RGS13: variants seen among roughly 807,000 people sequenced by gnomAD.
RGS13 encodes the protein regulator of G-protein signalling 13.
In RGS13, 14 loss-of-function variants were observed where a neutral mutation model predicts 19.9. That is an observed-to-expected ratio of 0.70 (90% CI 0.46 to 1.10). RGS13 has a LOEUF of 1.10. Ranked by LOEUF, RGS13 falls within the 50% of genes least tolerant of loss-of-function variation. The probability of loss-of-function intolerance (pLI) is 0.00; values close to 1 mark genes in which losing one functional copy is unlikely to be tolerated. For missense variants in RGS13, 205 were observed against 187.1 expected (o/e 1.10, Z -0.56); for synonymous variants, 60 against 56.8 (o/e 1.06, Z -0.25).
rs1663486443 is a variant in RGS13, at chr1:192,658,348, A to G, written c.275A>G (p.Gln92Arg). 6.2e-7 allele frequency: 1 copy of G among 1,612,992 alleles called. No homozygotes were observed. The highest frequency in any genetic ancestry group is 1.7e-5 in the Admixed American group (1 of 59,842). ...RAKKLYKIYI[Q>R]PQSPREINID... ...AAGAAGCTTTATAAGATTTACATCCAGCCACAGTCCCCTAGAGAGGTAACT... is the reference window on the plus strand; with the variant it reads ...AAGAAGCTTTATAAGATTTACATCCGGCCACAGTCCCCTAGAGAGGTAACT... The change falls in exon 6 of 7, where the codon CAG (glutamine) becomes CGG (arginine). Residue 92 changes from glutamine (Q) to arginine (R), a missense_variant. By Grantham distance (43) the Gln-to-Arg change is conservative. Transcript: ENST00000391995.
In RGS13 at chr1:192,657,342, C is replaced by T. The variant is rs2146608; in HGVS notation, c.128-859C>T. On this transcript the variant is annotated intron_variant, in intron 5 of 6. Coordinates refer to ENST00000391995, the MANE Select transcript of RGS13 (RefSeq NM_002927.5). The stretch of plus-strand genomic sequence containing the variant: ...ATCTTGAACCTTGAGAATACTTGGT[C>T]CTCCCAAAGATTCCAATTAATATGT... Among the ~76,000 whole-genome samples the T allele has an allele frequency of 8.0e-3, 1,214 of 152,166 alleles. 43 individuals are homozygous for T. The highest frequency in any genetic ancestry group is 0.063 in the Admixed American group (957 of 15,262).
chr1:192,653,370 A>G (rs978145871), intron 5 of RGS13, among the ~76,000 whole-genome samples: 2 of 152,112 alleles, frequency 1.3e-5, no homozygotes, highest in African/African-American at 4.8e-5. Flanking sequence ...TGACACTGCC[A>G]TTGGGAATGA....
intron 5 of RGS13, among the ~76,000 whole-genome samples, chr1:192,653,575 A>G (rs1663382043): frequency 6.6e-6 from 1 of 152,126 alleles, no homozygotes. Flanking sequence ...ACCTAAAACA[A>G]TAATAATAGA....
At chr1:192,657,663 G>T (rs1663466043) in intron 5 of RGS13, among the ~76,000 whole-genome samples, 1 of 152,048 alleles carries the variant, frequency 6.6e-6, no homozygotes, top group Non-Finnish European at 1.5e-5. Flanking sequence ...ATATGAAGTT[G>T]AATTCTTCAT....
chr1:192,638,481 G>A (rs1049372448), intron 3 of RGS13, among the ~76,000 whole-genome samples: 18 of 151,930 alleles, frequency 1.2e-4, no homozygotes, highest in Non-Finnish European at 2.1e-4. Flanking sequence ...GGGGTGGGGG[G>A]TTCTGTGATA....
At chr1:192,651,748 G>A (rs1663342295) in intron 5 of RGS13, among the ~76,000 whole-genome samples, 1 of 152,092 alleles carries the variant, frequency 6.6e-6, no homozygotes. Flanking sequence ...AGAGAAGACG[G>A]TGAATATCCG....
intron 5 of RGS13, among the ~76,000 whole-genome samples, chr1:192,651,799 C>T (rs527838394): frequency 4.6e-5 from 7 of 152,072 alleles, no homozygotes; most frequent in Admixed American, 4.6e-4. Context: ...GAGGCAAGGT[C>T]GCCAGTAGAT....
At chr1:192,658,159 T>C in intron 5 of RGS13, 42 bp from the exon 6 acceptor site, 1 of 1,507,518 alleles carries the variant, frequency 6.6e-7, no homozygotes, top group Non-Finnish European at 9.0e-7. Flanking sequence ...TTTTTGGTGA[T>C]TTTGACCCAT....
intron 5 of RGS13, among the ~76,000 whole-genome samples, chr1:192,650,251 A>T (rs1239014414): frequency 6.6e-6 from 1 of 152,140 alleles, no homozygotes; most frequent in Non-Finnish European, 1.5e-5. Flanking sequence ...ATAGGAAAAC[A>T]TCATACTGCT....
At chr1:192,636,456 C>T (rs1663020569) in intron 1 of RGS13, 139 bp downstream of exon 1, 1 of 151,960 alleles carries the variant, frequency 6.6e-6, no homozygotes, top group South Asian at 2.1e-4. Context: ...GACAAACTAA[C>T]AAACACATAT....
At chr1:192,637,353 AT>A (rs1194999813) in intron 1 of RGS13, among the ~76,000 whole-genome samples, 3 of 151,930 alleles carry the variant, frequency 2.0e-5, no homozygotes, top group African/African-American at 4.8e-5. Flanking sequence ...GTAATGGAAA[AT>A]TACAAATTAA....
Position 192,639,901 on chromosome 1 carries a change from G to A in RGS13, c.-5+1698G>A, listed in dbSNP as rs540937707. The stretch of plus-strand genomic sequence containing the variant: ...TATACTTCAGACCTTAGTGAGTGTT[G>A]CATACTAAGACCATTCTGCTTTTGC... On this transcript the variant is annotated intron_variant, in intron 3 of 6. Coordinates refer to ENST00000391995, the MANE Select transcript of RGS13 (RefSeq NM_002927.5). 2.6e-5 allele frequency among the ~76,000 whole-genome samples: 4 copies of A among 152,204 alleles called. No individual in the cohort carries two copies. The South Asian group carries it at 6.2e-4, about 24-fold the overall frequency.
intron 3 of RGS13, among the ~76,000 whole-genome samples, chr1:192,642,482 C>A (rs1037346717): frequency 3.3e-5 from 5 of 151,946 alleles, no homozygotes; most frequent in African/African-American, 4.8e-5. Context: ...CCACTATGCC[C>A]AGCTAATTTT....
At chr1:192,656,809 G>C (rs1261019975) in intron 5 of RGS13, among the ~76,000 whole-genome samples, 4 of 151,970 alleles carry the variant, frequency 2.6e-5, no homozygotes, top group African/African-American at 9.7e-5. Context: ...TTCTATTTGA[G>C]TTCTTTTGCT....
At chr1:192,647,237 C>G (rs950860085) in intron 4 of RGS13, 2 of 152,110 alleles carry the variant, frequency 1.3e-5, no homozygotes, top group African/African-American at 2.4e-5. Context: ...GCAGTCTGTA[C>G]CAAAAACCTT....
chr1:192,644,516 T>C (rs1663181846), intron 4 of RGS13, 117 bp downstream of exon 4: 2 of 767,582 alleles, frequency 2.6e-6, no homozygotes, highest in South Asian at 1.8e-5. Flanking sequence ...AAAATTTGCA[T>C]TTACACGTGA....
Position 192,647,998 on chromosome 1 carries a change from C to T in RGS13, c.127+11C>T, listed in dbSNP as rs571332989. The T allele has an allele frequency of 3.1e-5, 49 of 1,565,222 alleles. No homozygotes were observed. Among genetic ancestry groups the T allele is most frequent in the South Asian group, 2.0e-4 (17 of 86,808 alleles). ...TAATGGCTACAAAATGTGAGTATTG[C>T]GTATCTGTCATCTTTGAATAACTAG... On this transcript the variant is annotated intron_variant, in intron 5 of 6. Coordinates refer to ENST00000391995, the MANE Select transcript of RGS13 (RefSeq NM_002927.5).
chr1:192,644,225 T>TC (rs1663175245), intron 3 of RGS13, 106 bp from the exon 4 acceptor site: 1 of 758,954 alleles, frequency 1.3e-6, no homozygotes, highest in Non-Finnish European at 2.0e-6. Context: ...CAAGAGCCCA[T>TC]CTTTTTTTTT....
At chr1:192,646,935 C>T (rs997691685) in intron 4 of RGS13, 2 of 152,094 alleles carry the variant, frequency 1.3e-5, no homozygotes, top group African/African-American at 4.8e-5. Flanking sequence ...CCAAAATGAA[C>T]AGAGTTCTGG....
Sources: allele counts gnomAD v4.1 joint callset (sites outside exome capture counted in the v4.1 genomes callset), GRCh38; gene constraint gnomAD v4.1.1; transcripts MANE v1.5; gene names NCBI Gene and HGNC (gene_info 2026-07-23, HGNC 2026-07-21).